The following PTPRZ1 variants were observed in gnomAD, a reference collection of about 807,000 sequenced individuals.
The protein encoded by PTPRZ1 is protein tyrosine phosphatase receptor type Z1, also known as receptor-type tyrosine-protein phosphatase zeta.
A neutral mutation model predicts 214.1 loss-of-function variants in PTPRZ1; 82 were observed. The observed-to-expected ratio is 0.38, with a 90% CI of 0.32 to 0.46. The LOEUF (loss-of-function observed/expected upper bound fraction) is 0.46. Ranked by LOEUF, PTPRZ1 falls within the 20% of genes least tolerant of loss-of-function variation. The pLI, the probability that PTPRZ1 is intolerant of heterozygous loss-of-function variation, is 1.00. For synonymous variants in PTPRZ1, 945 were observed against 987.9 expected (o/e 0.96, Z 0.81); for missense variants, 2,603 against 2,748.7 (o/e 0.95, Z 1.19).
intron 2 of PTPRZ1, among the ~76,000 whole-genome samples, chr7:121,931,933 G>T (rs1394509505): frequency 2.6e-5 from 4 of 152,140 alleles, no homozygotes; most frequent in Non-Finnish European, 5.9e-5. Flanking sequence ...TGTTGTAGGG[G>T]GGTGGGGTGG....
intron 2 of PTPRZ1, among the ~76,000 whole-genome samples, chr7:121,933,089 A>G (rs1325988392): frequency 1.3e-5 from 2 of 151,678 alleles, no homozygotes; most frequent in Non-Finnish European, 2.9e-5. Flanking sequence ...TTCAGAAAAT[A>G]AATGTCACTC....
intron 2 of PTPRZ1, among the ~76,000 whole-genome samples, chr7:121,962,618 G>A (rs1796916089): frequency 6.6e-6 from 1 of 151,312 alleles, no homozygotes; most frequent in Non-Finnish European, 1.5e-5. Flanking sequence ...AGGCTGGAGT[G>A]CAGTGGTGCA....
At chr7:121,990,732 C>T (rs1797934122) in intron 8 of PTPRZ1, among the ~76,000 whole-genome samples, 1 of 152,010 alleles carries the variant, frequency 6.6e-6, no homozygotes, top group South Asian at 2.1e-4. Context: ...GTTGGCCAGA[C>T]TGGTCTCGAA....
At chr7:122,054,920 C>A (rs1014123740) in intron 26 of PTPRZ1, 21 bp from the exon 27 acceptor site, 1 of 1,573,734 alleles carries the variant, frequency 6.4e-7, no homozygotes, top group African/African-American at 1.4e-5. Context: ...CTAGACTCTT[C>A]TTTCATTTGC....
chr7:122,019,274 T>A lies in PTPRZ1; in HGVS notation c.4988+6T>A. The A allele has an allele frequency of 6.2e-7, 1 of 1,607,646 alleles. No homozygotes were observed. Among genetic ancestry groups the A allele is most frequent in the Non-Finnish European group, 8.5e-7 (1 of 1,175,974 alleles). Reference sequence around the variant, plus strand: ...GGTATTCTCATCTACTGGAGGTAAGTTGAGTATTTGTTTTGGAAAATTTAA... The same window carrying A: ...GGTATTCTCATCTACTGGAGGTAAGATGAGTATTTGTTTTGGAAAATTTAA... On this transcript the variant is annotated splice_donor_region_variant and intron_variant, in intron 13 of 29. Coordinates refer to ENST00000393386, the MANE Select transcript of PTPRZ1 (RefSeq NM_002851.3).
At chr7:121,951,575 C>T (rs1202345552) in intron 2 of PTPRZ1, among the ~76,000 whole-genome samples, 1 of 152,168 alleles carries the variant, frequency 6.6e-6, no homozygotes, top group Non-Finnish European at 1.5e-5. Context: ...AACTTTGACC[C>T]TTCCTCAGTA....
intron 12 of PTPRZ1, among the ~76,000 whole-genome samples, chr7:122,018,513 ATTT>A (rs71530085): frequency 6.9e-6 from 1 of 145,340 alleles, no homozygotes; most frequent in Non-Finnish European, 1.5e-5. Context: ...CTGAAATTGC[ATTT>A]TTTTTTTTTT....
At chr7:122,060,599 A>C (rs1192584456) in intron 29 of PTPRZ1, among the ~76,000 whole-genome samples, 2 of 152,180 alleles carry the variant, frequency 1.3e-5, no homozygotes, top group Non-Finnish European at 2.9e-5. Flanking sequence ...ATAGAATGTG[A>C]AATTCTTCTT....
At chr7:121,964,445 C>T (rs1796979002) in intron 2 of PTPRZ1, among the ~76,000 whole-genome samples, 1 of 152,134 alleles carries the variant, frequency 6.6e-6, no homozygotes, top group South Asian at 2.1e-4. Flanking sequence ...AGAACTAACT[C>T]ACTGTCATGA....
intron 8 of PTPRZ1, among the ~76,000 whole-genome samples, chr7:121,994,296 T>TTC (rs1424836362): frequency 7.9e-6 from 1 of 127,226 alleles, no homozygotes; most frequent in South Asian, 2.9e-4. Context: ...TTTCTTTTTT[T>TTC]TTTTTTTTTT....
intron 15 of PTPRZ1, chr7:122,033,884 C>T (rs1799459451): frequency 3.8e-6 from 2 of 528,558 alleles, no homozygotes; most frequent in Admixed American, 3.7e-5. Flanking sequence ...GTTATGTTTT[C>T]TTTTACATAA....
At chr7:122,031,651 G>A (rs1486564493) in intron 15 of PTPRZ1, 92 bp downstream of exon 15, 2 of 805,820 alleles carry the variant, frequency 2.5e-6, no homozygotes, top group African/African-American at 3.5e-5. Context: ...TAAAGACAGT[G>A]CAACCATTTG....
chr7:121,983,984 A>C lies in PTPRZ1; in HGVS notation c.795A>C (p.Glu265Asp). The C allele has an allele frequency of 2.5e-6, 4 of 1,611,776 alleles. No homozygotes were observed. The highest frequency in any genetic ancestry group is 3.4e-6 in the Non-Finnish European group (4 of 1,179,278). ...ISESQLAVFC[E>D]VLTMQQSGYV... ...TTTTTCAGTTGGCTGTTTTTTGTGA[A>C]GTTCTTACAATGCAACAATCTGGTT... is the stretch of plus-strand genomic sequence containing the variant. Residue 265 changes from glutamate to aspartate, a missense_variant, in exon 8 of 30, where the codon GAA becomes GAC. By Grantham distance (45) the Glu-to-Asp change is conservative (BLOSUM62 2). This residue lies in a region of PTPRZ1 where 244 missense variants were observed against 333.2 expected (regional missense o/e 0.73). Transcript: ENST00000393386.
In PTPRZ1 at chr7:121,929,470, CT is replaced by C. The variant is rs1795859053; in HGVS notation, c.124+1250del. On this transcript the variant is annotated intron_variant, in intron 2 of 29. Transcript: ENST00000393386. ...TGTTTTTATTTTTATTACTTCTGTG[CT>C]ATAGAATTATTGATATGCAATTACC... Among the ~76,000 whole-genome samples, 3 of 148,420 alleles carry C rather than the reference CT, an allele frequency of 2.0e-5. No individual in the cohort carries two copies. The South Asian group carries it at 6.4e-4, about 32-fold the overall frequency.
intron 2 of PTPRZ1, among the ~76,000 whole-genome samples, chr7:121,951,087 T>C (rs979561572): frequency 2.6e-5 from 4 of 152,242 alleles, no homozygotes; most frequent in African/African-American, 9.6e-5. Context: ...GAAGATTTCT[T>C]CCATTTTATG....
chr7:121,885,693 C>T (rs553296479), intron 1 of PTPRZ1, among the ~76,000 whole-genome samples: 62 of 152,140 alleles, frequency 4.1e-4, no homozygotes, highest in Non-Finnish European at 6.3e-4. Context: ...CCCTTCCCCA[C>T]CCCCAAAATG....
intron 23 of PTPRZ1, among the ~76,000 whole-genome samples, chr7:122,046,573 T>C (rs545674845): frequency 1.3e-5 from 2 of 152,066 alleles, no homozygotes; most frequent in South Asian, 2.1e-4. Context: ...TGGTGATTCA[T>C]TGGACATTGC....
intron 1 of PTPRZ1, among the ~76,000 whole-genome samples, chr7:121,908,125 G>A (rs1325115992): frequency 6.6e-6 from 1 of 152,096 alleles, no homozygotes; most frequent in Non-Finnish European, 1.5e-5. Context: ...AGGATACCAT[G>A]TTTTATATTA....
chr7:122,011,587 A>G lies in PTPRZ1; in HGVS notation c.2541A>G (p.Ser847=). 2 of 1,613,952 alleles carry G rather than the reference A, an allele frequency of 1.2e-6. No homozygotes were observed. The highest frequency in any genetic ancestry group is 1.7e-6 in the Non-Finnish European group (2 of 1,179,990). The part of the protein sequence containing the change: ...TVSQILPQVT[S]ATESDKVPLH... ...CTCAAATCCTTCCACAAGTTACTTC[A>G]GCTACCGAGAGTGATAAGGTGCCCT... is the stretch of plus-strand genomic sequence containing the variant. Residue 847 remains serine, a synonymous_variant, in exon 12 of 30, where the codon TCA becomes TCG. Coordinates refer to ENST00000393386, the MANE Select transcript of PTPRZ1 (RefSeq NM_002851.3).
Sources: gnomAD v4.1 joint callset for allele counts (sites outside exome capture counted in the v4.1 genomes callset) on GRCh38, gnomAD v4.1.1 for gene constraint, gnomAD v4.1.1 regional missense constraint, MANE v1.5 for transcripts, NCBI Gene and HGNC (gene_info 2026-07-23, HGNC 2026-07-21) for gene names.